Variants in PCDHGA2 observed in about 807,000 individuals in gnomAD.
The protein encoded by PCDHGA2 is protocadherin gamma-A2.
PCDHGA2 carries 40 observed loss-of-function variants against 59.2 expected under a neutral mutation model. The observed-to-expected ratio is 0.68, with a 90% CI of 0.52 to 0.88. PCDHGA2 has a LOEUF of 0.88. Among genes scored for constraint, PCDHGA2 ranks in the 40% least tolerant of loss-of-function variants. The probability of loss-of-function intolerance (pLI) is 0.00; values close to 1 mark genes in which losing one functional copy is unlikely to be tolerated. For synonymous variants in PCDHGA2, 560 were observed against 526.0 expected (o/e 1.06, Z -0.89); for missense variants, 1,226 against 1,204.0 (o/e 1.02, Z -0.27).
rs549051669 is a variant in PCDHGA2, at chr5:141,450,866, C to A, written c.2425-43941C>A. 4.7e-5 allele frequency among the ~76,000 whole-genome samples: 7 copies of A among 149,836 alleles called. No homozygotes were observed. In the East Asian group the frequency reaches 1.4e-3, roughly 29 times the overall value. On this transcript the variant is annotated intron_variant, in intron 1 of 3. Transcript: ENST00000394576. ...TTGAGATGGGGTCTTGCTCTGTCAC[C>A]CAGGCTGGTGTGCAGTGGTGCGATA...
chr5:141,478,642 T>A (rs777741719), intron 1 of PCDHGA2: 1 of 1,552,350 alleles, frequency 6.4e-7, no homozygotes, highest in South Asian at 1.2e-5. Context: ...GTGATGAAGA[T>A]GTTTTCCTGG....
chr5:141,449,782 T>C (rs2098655261), intron 1 of PCDHGA2, among the ~76,000 whole-genome samples: 1 of 151,720 alleles, frequency 6.6e-6, no homozygotes, highest in South Asian at 2.1e-4. Flanking sequence ...GAAATTATGT[T>C]TCTTTATTCC....
intron 1 of PCDHGA2, chr5:141,407,989 T>C: frequency 1.2e-6 from 1 of 833,618 alleles, no homozygotes; most frequent in Non-Finnish European, 1.8e-6. Context: ...TCCGTCAGCC[T>C]CTGGCCTGGG....
At chr5:141,429,735 T>C (rs911956546) in intron 1 of PCDHGA2, among the ~76,000 whole-genome samples, 1 of 152,202 alleles carries the variant, frequency 6.6e-6, no homozygotes. Flanking sequence ...ACGTAGCCAG[T>C]TATTTCTTAG....
At chr5:141,409,776 T>C in intron 1 of PCDHGA2, 1 of 1,612,708 alleles carries the variant, frequency 6.2e-7, no homozygotes, top group Non-Finnish European at 8.5e-7. Context: ...CACGAGCAGC[T>C]GCGCGCCTTC....
chr5:141,360,089 G>A (rs1293373069), intron 1 of PCDHGA2: 2 of 1,505,466 alleles, frequency 1.3e-6, no homozygotes, highest in East Asian at 2.4e-5. Context: ...TGCCATCCCC[G>A]GAAGGCTTAT....
At position 141,351,030 on chromosome 5, in the gene PCDHGA2, CCGTGCTG is replaced by C. The variant is rs751694641; in HGVS notation, c.2424+9638_2424+9644del. 2.0e-5 allele frequency: 33 copies of C among 1,614,068 alleles called. No individual in the cohort carries two copies. In the Admixed American group the frequency reaches 3.7e-4, roughly 18 times the overall value. On this transcript the variant is annotated intron_variant, in intron 1 of 3. Transcript: ENST00000394576. Reference sequence around the variant, plus strand: ...CAAGAAAACGTACCGTGGGGAACCTCCGTGCTGCGGGTGATGGCCACAGACCAGGATG... The same window carrying C: ...CAAGAAAACGTACCGTGGGGAACCTCCGGGTGATGGCCACAGACCAGGATG...
intron 2 of PCDHGA2, among the ~76,000 whole-genome samples, chr5:141,500,939 G>T (rs2099804123): frequency 6.6e-6 from 1 of 151,680 alleles, no homozygotes; most frequent in South Asian, 2.1e-4. Context: ...CGCCATCTCG[G>T]CTCACTGCAA....
chr5:141,382,422 C>A (rs1778191772), intron 1 of PCDHGA2, among the ~76,000 whole-genome samples: 1 of 152,092 alleles, frequency 6.6e-6, no homozygotes, highest in Admixed American at 6.5e-5. Context: ...AGTCAGTGCC[C>A]AAAAGAGTCA....
intron 2 of PCDHGA2, among the ~76,000 whole-genome samples, chr5:141,497,735 C>T (rs1299892535): frequency 2.6e-5 from 4 of 152,144 alleles, no homozygotes; most frequent in Non-Finnish European, 4.4e-5. Flanking sequence ...AGATGGGTTT[C>T]GCCACGTTGG....
At chr5:141,409,201 AATC>A (rs1377420843) in intron 1 of PCDHGA2, 1 of 1,614,044 alleles carries the variant, frequency 6.2e-7, no homozygotes, top group Non-Finnish European at 8.5e-7. Context: ...AGTGTAAAGT[AATC>A]ATAGAAATCC....
intron 1 of PCDHGA2, chr5:141,357,434 G>T: frequency 6.2e-7 from 1 of 1,614,214 alleles, no homozygotes; most frequent in Non-Finnish European, 8.5e-7. Flanking sequence ...GGCGTGGACG[G>T]GGTTCGGGCT....
intron 1 of PCDHGA2, chr5:141,356,330 G>C: frequency 2.6e-6 from 4 of 1,554,374 alleles, no homozygotes; most frequent in Non-Finnish European, 3.5e-6. Context: ...AGTGACTCAG[G>C]AGGAAATGGC....
rs754547223 is a variant in PCDHGA2 at position 141,511,148 on chromosome 5, AGTC to A, written c.2776_2778del (p.Ser926del). The A allele has an allele frequency of 7.4e-6, 12 of 1,614,202 alleles. No individual in the cohort carries two copies. The highest frequency in any genetic ancestry group is 1.0e-5 in the Non-Finnish European group (12 of 1,180,016). ...GCAGGTGGCAATGGCAACAAGAAGA[AGTC>A]GGGCAAGAAGGAGAAGAAGTAACAT... On this transcript the variant is annotated inframe_deletion, in exon 4 of 4. Coordinates refer to ENST00000394576, the MANE Select transcript of PCDHGA2 (RefSeq NM_018915.4).
At chr5:141,467,337 G>A (rs1018807977) in intron 1 of PCDHGA2, among the ~76,000 whole-genome samples, 1 of 152,162 alleles carries the variant, frequency 6.6e-6, no homozygotes, top group Admixed American at 6.6e-5. Flanking sequence ...AGAGACGTAA[G>A]CCACTGCCCC....
intron 1 of PCDHGA2, chr5:141,383,233 G>T: frequency 6.2e-7 from 1 of 1,613,972 alleles, no homozygotes. Flanking sequence ...CCTGATGGAA[G>T]ATAAAATGAA....
In PCDHGA2 at chr5:141,421,081, A is replaced by C. The variant is rs775366249; in HGVS notation, c.2425-73726A>C. 61 of 637,820 alleles carry C rather than the reference A, an allele frequency of 9.6e-5. 1 individual carries two copies. The Middle Eastern group carries it at 2.9e-3, about 31-fold the overall frequency. The allele number at this position is 637,820 out of a possible 1,614,324, so 39.5% of individuals were successfully genotyped here. ...ACAAAGCGGAATGAGATGGATACTCACAGATCCTGACACTGGAGACTTAGA... is the reference window on the plus strand; with the variant it reads ...ACAAAGCGGAATGAGATGGATACTCCCAGATCCTGACACTGGAGACTTAGA... On this transcript the variant is annotated intron_variant, in intron 1 of 3. Coordinates refer to ENST00000394576, the MANE Select transcript of PCDHGA2 (RefSeq NM_018915.4).
intron 1 of PCDHGA2, among the ~76,000 whole-genome samples, chr5:141,458,351 T>A (rs903399511): frequency 2.0e-5 from 3 of 152,010 alleles, no homozygotes; most frequent in African/African-American, 7.3e-5. Flanking sequence ...GAGAGTTTAA[T>A]AAGCAAGAAG....
intron 1 of PCDHGA2, chr5:141,419,658 A>C: frequency 1.9e-6 from 3 of 1,612,782 alleles, no homozygotes; most frequent in Non-Finnish European, 2.5e-6. Context: ...GACTCGGGGC[A>C]CAATGCCTGG....
Sources: allele counts gnomAD v4.1 joint callset (sites outside exome capture counted in the v4.1 genomes callset), GRCh38; gene constraint gnomAD v4.1.1; transcripts MANE v1.5; gene names NCBI Gene and HGNC (gene_info 2026-07-23, HGNC 2026-07-21).